Variants in AKAP6 observed in about 807,000 individuals in gnomAD.
AKAP6 encodes A-kinase anchoring protein 6, also known as A-kinase anchor protein 6.
Under a neutral mutation model 188.5 loss-of-function variants are expected in AKAP6, and 58 were observed. That is an observed-to-expected ratio of 0.31 (90% CI 0.25 to 0.38). AKAP6 has a LOEUF of 0.38. Among genes scored for constraint, AKAP6 ranks in the 10% least tolerant of loss-of-function variants. The pLI is 1.00. For missense variants in AKAP6, 2,710 were observed against 2,740.0 expected (o/e 0.99, Z 0.24); for synonymous variants, 989 against 998.6 (o/e 0.99, Z 0.18).
intron 11 of AKAP6, among the ~76,000 whole-genome samples, chr14:32,745,461 TTCTCTCTCTCTCTCTC>T (rs71115094): frequency 1.2e-4 from 17 of 141,352 alleles, no homozygotes; most frequent in East Asian, 4.3e-4. Context: ...TATTTATTCA[TTCTCTCTCTCTCTCTC>T]TCTCTCTCTC....
chr14:32,496,972 CTTTG>C (rs550562056), intron 2 of AKAP6, among the ~76,000 whole-genome samples: 3 of 152,210 alleles, frequency 2.0e-5, no homozygotes, highest in Admixed American at 1.3e-4. Flanking sequence ...TTCTTAACTT[CTTTG>C]TTTGGTCTCT....
chr14:32,678,265 T>C (rs1889518461), intron 7 of AKAP6, 46 bp from the exon 8 acceptor site: 2 of 1,573,064 alleles, frequency 1.3e-6, no homozygotes, highest in African/African-American at 1.3e-5. Flanking sequence ...TTGAAATGCA[T>C]TCCTTCTGGA....
chr14:32,503,595 A>G (rs970592053), intron 2 of AKAP6, among the ~76,000 whole-genome samples: 11 of 152,098 alleles, frequency 7.2e-5, no homozygotes, highest in Middle Eastern at 3.4e-3. Flanking sequence ...ATCAAGATGT[A>G]TAATGGATCC....
rs1378024512 is a variant in AKAP6 at position 32,837,388 on chromosome 14, T to TA, written c.*7583_*7584insA. On this transcript the variant is annotated 3_prime_UTR_variant, in exon 14 of 14. Coordinates refer to ENST00000280979, the MANE Select transcript of AKAP6 (RefSeq NM_004274.5). ...GTAAAACAAATATTATTCAGTGAAATTTATTCAAGGACTTAAAATGATTGA... is the reference window on the plus strand; with the variant it reads ...GTAAAACAAATATTATTCAGTGAAATATTATTCAAGGACTTAAAATGATTGA... 6.6e-5 allele frequency: 10 copies of TA among 152,194 alleles called. No homozygotes were observed. The highest frequency in any genetic ancestry group is 6.5e-4 in the Admixed American group (10 of 15,288). The allele number at this position is 152,194 out of a possible 1,614,324, so 9.4% of individuals were successfully genotyped here. A position where few individuals can be genotyped will look rare whatever the true frequency, so the allele number is the denominator to read the frequency against.
In AKAP6 at chr14:32,830,206, AC is replaced by A. The variant is rs561758624; in HGVS notation, c.*408del. On this transcript the variant is annotated 3_prime_UTR_variant, in exon 14 of 14. Transcript: ENST00000280979. ...CCATTAAATTCTCCTGTCTAGAATG[AC>A]CCCCCCACCAGTACTTGACCAATTT... 2.1e-5 allele frequency: 9 copies of A among 439,014 alleles called. No homozygotes were observed. Among genetic ancestry groups the A allele is most frequent in the South Asian group, 4.3e-5 (1 of 23,100 alleles). 27.2% of individuals were successfully genotyped at this position (439,014 alleles called of 1,614,324 possible).
At chr14:32,586,498 G>T (rs528696632) in intron 5 of AKAP6, among the ~76,000 whole-genome samples, 112 of 152,148 alleles carry the variant, frequency 7.4e-4, no homozygotes, top group African/African-American at 2.6e-3. Context: ...GTGGTGGCGC[G>T]TGTCTGTAGT....
intron 2 of AKAP6, among the ~76,000 whole-genome samples, chr14:32,451,982 ATTTTTC>A (rs997829386): frequency 9.6e-6 from 1 of 104,224 alleles, no homozygotes; most frequent in African/African-American, 3.8e-5. Context: ...CTATGCTATC[ATTTTTC>A]TTTTTCTTTT....
rs190172818 is a variant in AKAP6, at chr14:32,783,944, C to T, written c.3588+10051C>T. Reference sequence around the variant, plus strand: ...CTTTAAATCAAGTAAATGAACAAGACTTTCATAAATACAAATTAAGTGACT... The same window carrying T: ...CTTTAAATCAAGTAAATGAACAAGATTTTCATAAATACAAATTAAGTGACT... On this transcript the variant is annotated intron_variant, in intron 12 of 13. Coordinates refer to ENST00000280979, the MANE Select transcript of AKAP6 (RefSeq NM_004274.5). Among the ~76,000 whole-genome samples, 218 of 152,192 alleles carry T rather than the reference C, an allele frequency of 1.4e-3. No homozygotes were observed. In the East Asian group the frequency reaches 0.015, roughly 10 times the overall value.
At chr14:32,806,629 A>G (rs1444337467) in intron 12 of AKAP6, among the ~76,000 whole-genome samples, 1 of 152,046 alleles carries the variant, frequency 6.6e-6, no homozygotes, top group Non-Finnish European at 1.5e-5. Context: ...GTGAGCCAAG[A>G]TTGCACCACT....
chr14:32,674,899 G>T (rs999600686), intron 7 of AKAP6, among the ~76,000 whole-genome samples: 7 of 152,116 alleles, frequency 4.6e-5, no homozygotes, highest in African/African-American at 1.4e-4. Context: ...CATTCAAAAA[G>T]ATCATTGAAC....
At chr14:32,428,423 C>G (rs1288736683) in intron 1 of AKAP6, among the ~76,000 whole-genome samples, 1 of 152,072 alleles carries the variant, frequency 6.6e-6, no homozygotes, top group Non-Finnish European at 1.5e-5. Flanking sequence ...AGCTGGTACT[C>G]TATACTGGCA....
intron 10 of AKAP6, chr14:32,733,335 T>A (rs1239417155): frequency 3.3e-5 from 5 of 152,076 alleles, no homozygotes; most frequent in African/African-American, 1.2e-4. Flanking sequence ...AAAGTTAAAC[T>A]GTATTTTTTC....
At chr14:32,613,184 C>T (rs988771684) in intron 7 of AKAP6, among the ~76,000 whole-genome samples, 2 of 152,178 alleles carry the variant, frequency 1.3e-5, no homozygotes, top group African/African-American at 4.8e-5. Flanking sequence ...TTATACTAGA[C>T]ACAAACACAA....
At chr14:32,493,508 G>A (rs925855641) in intron 2 of AKAP6, among the ~76,000 whole-genome samples, 1 of 152,058 alleles carries the variant, frequency 6.6e-6, no homozygotes, top group Admixed American at 6.6e-5. Context: ...ACCGCACCCG[G>A]CCTAAGGCAC....
intron 12 of AKAP6, among the ~76,000 whole-genome samples, chr14:32,786,324 T>TTTTTTTTTTTTTTTTTTTTTG (rs1555362343): frequency 2.3e-5 from 3 of 127,728 alleles, no homozygotes; most frequent in Non-Finnish European, 4.9e-5. Context: ...TTTTTTTTTT[T>TTTTTTTTTTTTTTTTTTTTTG]TGAGACGGAA....
chr14:32,696,636 A>G (rs193026020), intron 9 of AKAP6, among the ~76,000 whole-genome samples: 1 of 152,336 alleles, frequency 6.6e-6, no homozygotes, highest in East Asian at 1.9e-4. Context: ...TGATTTAAGA[A>G]AACTGGCTTG....
At chr14:32,542,299 T>C (rs1882990838) in intron 3 of AKAP6, among the ~76,000 whole-genome samples, 1 of 152,212 alleles carries the variant, frequency 6.6e-6, no homozygotes, top group Non-Finnish European at 1.5e-5. Context: ...AGAGACATTC[T>C]AAAATGTTGT....
chr14:32,602,502 C>G (rs142994062), intron 7 of AKAP6, among the ~76,000 whole-genome samples: 11 of 152,192 alleles, frequency 7.2e-5, no homozygotes, highest in African/African-American at 2.6e-4. Context: ...CTCTAAAAAA[C>G]AAGTCAAAAA....
chr14:32,684,950 A>G (rs764622722), intron 8 of AKAP6, among the ~76,000 whole-genome samples: 4 of 152,174 alleles, frequency 2.6e-5, no homozygotes, highest in Non-Finnish European at 5.9e-5. Context: ...ACATTTAGAT[A>G]CATCCTTATA....
Sources: allele counts gnomAD v4.1 joint callset (sites outside exome capture counted in the v4.1 genomes callset), GRCh38; gene constraint gnomAD v4.1.1; transcripts MANE v1.5; gene names NCBI Gene and HGNC (gene_info 2026-07-23, HGNC 2026-07-21).